MYOF: variants seen among roughly 807,000 people sequenced by gnomAD.
The protein encoded by MYOF is fer-1-like 3, myoferlin.
In MYOF, 244 loss-of-function variants were observed where a neutral mutation model predicts 284.2. That is an observed-to-expected ratio of 0.86 (90% confidence interval 0.77 to 0.95). MYOF has a LOEUF of 0.95. Among genes scored for constraint, MYOF ranks in the 40% least tolerant of loss-of-function variants. The pLI is 0.00. For missense variants in MYOF, 2,496 were observed against 2,560.6 expected (o/e 0.97, Z 0.54); for synonymous variants, 904 against 919.7 (o/e 0.98, Z 0.31).
chr10:93,309,199 G>A (rs137977043), intron 53 of MYOF, among the ~76,000 whole-genome samples: 151 of 152,258 alleles, frequency 9.9e-4, no homozygotes, highest in African/African-American at 3.5e-3. Context: ...GTTTGTTTCT[G>A]TCTCCATAAC....
chr10:93,311,387 A>T (rs1842380080), intron 51 of MYOF, among the ~76,000 whole-genome samples: 1 of 151,332 alleles, frequency 6.6e-6, no homozygotes, highest in African/African-American at 2.4e-5. Context: ...AGGCGGGAGG[A>T]TCACCTGAGG....
intron 50 of MYOF, among the ~76,000 whole-genome samples, chr10:93,314,936 G>C (rs950419093): frequency 6.6e-6 from 1 of 152,160 alleles, no homozygotes; most frequent in East Asian, 1.9e-4. Flanking sequence ...TGTGGTCCCA[G>C]CTACTTGGGA....
At chr10:93,338,007 G>C (rs1589410474) in intron 39 of MYOF, 94 bp from the exon 40 acceptor site, 1 of 903,320 alleles carries the variant, frequency 1.1e-6, no homozygotes, top group African/African-American at 1.7e-5. Context: ...GAAGAAATAG[G>C]TTCTTCTGAC....
rs766847684 is a variant in MYOF at position 93,351,224 on chromosome 10, C to T, written c.3894G>A (p.Arg1298=). ...CAATGGCAGTGAGCTGGACCACAGG[C>T]CTGATCCCCTGGGGGACCATGTATA... ...PNLYMVPQGI[R]PVVQLTAIEI... The change falls in exon 35 of 54, where the codon AGG becomes AGA. Residue 1298 remains arginine, a synonymous_variant. Transcript: ENST00000359263. 6.2e-7 allele frequency: 1 copy of T among 1,614,186 alleles called. No individual in the cohort carries two copies. Among genetic ancestry groups the T allele is most frequent in the South Asian group, 1.1e-5 (1 of 91,076 alleles).
chr10:93,456,395 G>A (rs917573966), intron 2 of MYOF, among the ~76,000 whole-genome samples: 3 of 152,180 alleles, frequency 2.0e-5, no homozygotes, highest in Admixed American at 6.5e-5. Flanking sequence ...GTTTCCACAT[G>A]AAGCATACTG....
At chr10:93,479,456 C>T (rs1001547655) in intron 1 of MYOF, among the ~76,000 whole-genome samples, 1 of 152,156 alleles carries the variant, frequency 6.6e-6, no homozygotes, top group Non-Finnish European at 1.5e-5. Context: ...TGGGAACACA[C>T]CTGTAAAGGG....
At chr10:93,408,739 T>A (rs753721388) in intron 7 of MYOF, 48 bp downstream of exon 7, 2 of 1,611,298 alleles carry the variant, frequency 1.2e-6, no homozygotes, top group Admixed American at 3.3e-5. Context: ...CGTGTTTCCC[T>A]CCCCAGTGGG....
In MYOF at chr10:93,313,194, G is replaced by A. The variant is rs2133720300; in HGVS notation, c.5715C>T (p.Asp1905=). ...TTGCAGGAATGATCGTGTGACGCAA[G>A]TCAAGTTCTAGGAAACCTAGCCAAG... ...LDDYLGFLEL[D]LRHTIIPAKS... Residue 1905 remains aspartate, a synonymous_variant, in exon 51 of 54, where the codon GAC becomes GAT. Coordinates refer to ENST00000359263, the MANE Select transcript of MYOF (RefSeq NM_013451.4). 1.2e-6 allele frequency: 2 copies of A among 1,613,310 alleles called. No homozygotes were observed. Among genetic ancestry groups the A allele is most frequent in the East Asian group, 2.2e-5 (1 of 44,872 alleles).
intron 1 of MYOF, among the ~76,000 whole-genome samples, chr10:93,468,959 A>G (rs1170815860): frequency 2.6e-5 from 4 of 152,204 alleles, no homozygotes; most frequent in Non-Finnish European, 5.9e-5. Flanking sequence ...AAGCATCCCA[A>G]GACCCAGCTT....
At chr10:93,369,908 A>G in intron 24 of MYOF, 132 bp from the exon 25 acceptor site, 2 of 1,155,604 alleles carry the variant, frequency 1.7e-6, no homozygotes, top group Non-Finnish European at 2.4e-6. Context: ...GCTTCAGTTA[A>G]AACATTTCCA....
At chr10:93,463,136 C>A (rs1256532468) in intron 1 of MYOF, among the ~76,000 whole-genome samples, 1 of 152,184 alleles carries the variant, frequency 6.6e-6, no homozygotes, top group East Asian at 1.9e-4. Flanking sequence ...AGTAATTAAC[C>A]CCAATGCCAG....
intron 1 of MYOF, among the ~76,000 whole-genome samples, chr10:93,466,364 C>G (rs917511906): frequency 6.6e-6 from 1 of 152,110 alleles, no homozygotes; most frequent in Non-Finnish European, 1.5e-5. Flanking sequence ...ACAGAAATGC[C>G]CCAGCAAAAA....
chr10:93,381,304 G>A lies in MYOF; in HGVS notation c.1791C>T (p.Val597=). 1 of 1,614,194 alleles carries A rather than the reference G, an allele frequency of 6.2e-7. No homozygotes were observed. Among genetic ancestry groups the A allele is most frequent in the Non-Finnish European group, 8.5e-7 (1 of 1,180,038 alleles). The change falls in exon 20 of 54, where the codon GTC becomes GTT. Residue 597 remains valine, a synonymous_variant. Coordinates refer to ENST00000359263, the MANE Select transcript of MYOF (RefSeq NM_013451.4). ...QDVGEAIQFE[V]SIGNYGNKFD... is the part of the protein sequence containing the mutation. ...ACTTGTTGCCATAGTTCCCAATGCT[G>A]ACTTCAAACTGAATGGCCTCACCAA...
chr10:93,377,283 C>T (rs773292580), intron 22 of MYOF, 40 bp downstream of exon 22: 17 of 1,369,616 alleles, frequency 1.2e-5, no homozygotes, highest in Admixed American at 1.7e-5. Flanking sequence ...GGGAGGAGCG[C>T]CTGGATGAAA....
At chr10:93,384,995 T>G (rs529303667) in intron 19 of MYOF, among the ~76,000 whole-genome samples, 23 of 152,320 alleles carry the variant, frequency 1.5e-4, no homozygotes, top group African/African-American at 5.5e-4. Flanking sequence ...AAGGTGCTGT[T>G]TCTAGCAATA....
At chr10:93,309,309 A>C (rs1842279386) in intron 53 of MYOF, among the ~76,000 whole-genome samples, 1 of 152,106 alleles carries the variant, frequency 6.6e-6, no homozygotes, top group Non-Finnish European at 1.5e-5. Context: ...TTTAATCATC[A>C]CTATAACTTA....
intron 17 of MYOF, among the ~76,000 whole-genome samples, chr10:93,391,256 T>G (rs788082): frequency 6.6e-6 from 1 of 152,078 alleles, no homozygotes; most frequent in Non-Finnish European, 1.5e-5. Context: ...GAAGGAACTC[T>G]CCTTCTATGT....
At chr10:93,322,237 A>AAG (rs1842872275) in intron 48 of MYOF, among the ~76,000 whole-genome samples, 1 of 152,200 alleles carries the variant, frequency 6.6e-6, no homozygotes, top group Non-Finnish European at 1.5e-5. Flanking sequence ...GAATATATTA[A>AAG]ATGTCGCAAG....
chr10:93,319,621 A>G (rs1240335398), intron 49 of MYOF, among the ~76,000 whole-genome samples: 1 of 152,116 alleles, frequency 6.6e-6, no homozygotes, highest in Non-Finnish European at 1.5e-5. Flanking sequence ...TCTACCCTTT[A>G]TCCTTCGCCA....
Sources: allele counts gnomAD v4.1 joint callset (sites outside exome capture counted in the v4.1 genomes callset), GRCh38; gene constraint gnomAD v4.1.1; transcripts MANE v1.5; gene names NCBI Gene and HGNC (gene_info 2026-07-23, HGNC 2026-07-21).